Variants in TBC1D1 observed in about 807,000 individuals in gnomAD.
TBC1D1 encodes the protein TBC1 (tre-2/USP6, BUB2, cdc16) domain family, member 1.
In TBC1D1, 89 loss-of-function variants were observed where a neutral mutation model predicts 125.6. The observed-to-expected ratio is 0.71, with a 90% CI of 0.60 to 0.85. The LOEUF is 0.85. Among genes scored for constraint, TBC1D1 ranks in the 40% least tolerant of loss-of-function variants. TBC1D1 has a pLI of 0.00. For missense variants in TBC1D1, 1,377 were observed against 1,469.2 expected (o/e 0.94, Z 1.03); for synonymous variants, 565 against 564.1 (o/e 1.00, Z -0.02).
chr4:38,079,749 A>G (rs1284357493), intron 12 of TBC1D1, among the ~76,000 whole-genome samples: 1 of 152,162 alleles, frequency 6.6e-6, no homozygotes, highest in Non-Finnish European at 1.5e-5. Context: ...AGCAAGTTAT[A>G]TTACATTTTA....
chr4:38,093,680 C>T (rs1560775900), intron 13 of TBC1D1, among the ~76,000 whole-genome samples: 1 of 149,046 alleles, frequency 6.7e-6, no homozygotes, highest in African/African-American at 2.4e-5. Context: ...CCACCACACC[C>T]GGCTAATTTT....
chr4:38,085,698 G>A (rs1332088621), intron 12 of TBC1D1, among the ~76,000 whole-genome samples: 3 of 152,220 alleles, frequency 2.0e-5, no homozygotes, highest in African/African-American at 7.2e-5. Flanking sequence ...GGATCCCTGG[G>A]ATTGTTCTAG....
chr4:38,059,757 A>G (rs1012652260), intron 12 of TBC1D1, among the ~76,000 whole-genome samples: 1 of 152,182 alleles, frequency 6.6e-6, no homozygotes, highest in African/African-American at 2.4e-5. Context: ...GTACATGTGC[A>G]GGATGTGCAG....
At chr4:37,989,971 G>A (rs1221120388) in intron 2 of TBC1D1, among the ~76,000 whole-genome samples, 1 of 152,172 alleles carries the variant, frequency 6.6e-6, no homozygotes, top group African/African-American at 2.4e-5. Context: ...TTTAAAAATA[G>A]GAAGGAAGTT....
chr4:37,995,673 C>A lies in TBC1D1; in HGVS notation c.418-18836C>A. ...CCTGGTAATCCATTACATGGGTCTC[C>A]TTGGAGGCCTTGGCCACAGCATCCC... On this transcript the variant is annotated intron_variant, in intron 2 of 19. Coordinates refer to ENST00000261439, the MANE Select transcript of TBC1D1 (RefSeq NM_015173.4). This position sits in a 1 kb window ranked among gnomAD's most constrained non-coding sequence, Gnocchi z 4.3. 1.9e-6 allele frequency: 1 copy of A among 519,898 alleles called. No homozygotes were observed. Among genetic ancestry groups the A allele is most frequent in the Non-Finnish European group, 3.8e-6 (1 of 259,878 alleles). The allele number at this position is 519,898 out of a possible 1,614,324, so 32.2% of individuals were successfully genotyped here.
At chr4:38,029,860 T>C (rs1340454363) in intron 7 of TBC1D1, among the ~76,000 whole-genome samples, 1 of 152,252 alleles carries the variant, frequency 6.6e-6, no homozygotes, top group Non-Finnish European at 1.5e-5. Context: ...ACTTGAGACA[T>C]GCTACTTTGT....
At chr4:38,059,402 C>A (rs1156876878) in intron 12 of TBC1D1, among the ~76,000 whole-genome samples, 1 of 152,116 alleles carries the variant, frequency 6.6e-6, no homozygotes, top group Non-Finnish European at 1.5e-5. Context: ...AGGAAATCAG[C>A]GATTTTTACT....
chr4:38,046,782 A>G (rs1282392963), intron 10 of TBC1D1, among the ~76,000 whole-genome samples: 5 of 152,360 alleles, frequency 3.3e-5, no homozygotes, highest in Middle Eastern at 3.4e-3. Flanking sequence ...ACATTTAATC[A>G]TATTTAAGCC....
At chr4:38,115,258 G>T (rs1457246923) in intron 15 of TBC1D1, among the ~76,000 whole-genome samples, 2 of 151,790 alleles carry the variant, frequency 1.3e-5, no homozygotes, top group Admixed American at 6.6e-5. Flanking sequence ...CTGCCACCAC[G>T]CCTGACTAAT....
At chr4:38,003,674 C>T (rs1261230403) in intron 2 of TBC1D1, among the ~76,000 whole-genome samples, 1 of 151,990 alleles carries the variant, frequency 6.6e-6, no homozygotes, top group Non-Finnish European at 1.5e-5. Context: ...TTAAGACCAG[C>T]TTGGGCAATA....
At chr4:37,963,606 G>A (rs187460586) in intron 2 of TBC1D1, among the ~76,000 whole-genome samples, 8 of 152,290 alleles carry the variant, frequency 5.3e-5, no homozygotes, top group Admixed American at 1.3e-4. Context: ...GCGGTGAGCC[G>A]AGATCACGCC....
Position 38,027,872 on chromosome 4 carries a change from A to G in TBC1D1, c.1295A>G (p.Glu432Gly), listed in dbSNP as rs1415439005. 4.3e-6 allele frequency: 7 copies of G among 1,611,242 alleles called. No homozygotes were observed. The highest frequency in any genetic ancestry group is 5.9e-6 in the Non-Finnish European group (7 of 1,178,038). Residue 432 changes from glutamate (E) to glycine (G), a missense_variant, in exon 7 of 20, where the codon GAG becomes GGG. By Grantham distance (98) the Glu-to-Gly change is moderately conservative (BLOSUM62 -2). Transcript: ENST00000261439. ...CAGGAGCAGGCGACTATTTTTGAAG[A>G]GGTTCAGGTACAGTACAGTTGCTAA...
At chr4:37,939,452 C>G (rs1034641824) in intron 2 of TBC1D1, among the ~76,000 whole-genome samples, 3 of 151,772 alleles carry the variant, frequency 2.0e-5, no homozygotes, top group Non-Finnish European at 4.4e-5. Context: ...ATTGCAAAAA[C>G]TTTCTCCCAT....
intron 2 of TBC1D1, among the ~76,000 whole-genome samples, chr4:37,923,827 G>A (rs1211144211): frequency 6.6e-6 from 1 of 151,846 alleles, no homozygotes; most frequent in Non-Finnish European, 1.5e-5. Context: ...CTACAGGTGT[G>A]CACCACTATG....
At chr4:37,991,529 A>C (rs1319629306) in intron 2 of TBC1D1, among the ~76,000 whole-genome samples, 1 of 152,094 alleles carries the variant, frequency 6.6e-6, no homozygotes, top group Non-Finnish European at 1.5e-5. Context: ...ACAGTCACTT[A>C]GCACCTGCTG....
Position 38,115,938 on chromosome 4 carries a change from A to T in TBC1D1, c.2786A>T (p.Asp929Val). 6.2e-7 allele frequency: 1 copy of T among 1,614,166 alleles called. No homozygotes were observed. The highest frequency in any genetic ancestry group is 8.5e-7 in the Non-Finnish European group (1 of 1,180,020). The change falls in exon 16 of 20, where the codon GAC (aspartate) becomes GTC (valine). Residue 929 changes from aspartate (D) to valine (V), a missense_variant. Physicochemically the swap from Asp to Val is radical, Grantham distance 152 (BLOSUM62 -3). This residue lies in a region of TBC1D1 where 543 missense variants were observed against 613.5 expected (regional missense o/e 0.89). Coordinates refer to ENST00000261439, the MANE Select transcript of TBC1D1 (RefSeq NM_015173.4). ...GGGCTGCGGAAACAGTATCGGCCAG[A>T]CATGATTATTTTACAGGTATAGAGT...
At position 37,977,389 on chromosome 4, in the gene TBC1D1, A is replaced by T; in HGVS notation, c.418-37120A>T. ...GCCGCCGCCGCCGCCGGGGAGAGCGATGCCCCGGCCCCGCCGCTCCCCAAG... is the reference window on the plus strand; with the variant it reads ...GCCGCCGCCGCCGCCGGGGAGAGCGTTGCCCCGGCCCCGCCGCTCCCCAAG... On this transcript the variant is annotated intron_variant, in intron 2 of 19. Coordinates refer to ENST00000261439, the MANE Select transcript of TBC1D1 (RefSeq NM_015173.4). This position sits in a 1 kb window ranked among gnomAD's most constrained non-coding sequence, Gnocchi z 4.3. 1 of 481,846 alleles carries T rather than the reference A, an allele frequency of 2.1e-6. No homozygotes were observed. The highest frequency in any genetic ancestry group is 8.2e-5 in the South Asian group (1 of 12,252). 29.8% of individuals were successfully genotyped at this position (481,846 alleles called of 1,614,324 possible). A position where few individuals can be genotyped will look rare whatever the true frequency, so the allele number is the denominator to read the frequency against.
intron 15 of TBC1D1, chr4:38,111,799 CT>C: frequency 3.2e-6 from 1 of 308,766 alleles, no homozygotes. Context: ...AAAACAGTGT[CT>C]CCCCCAATAG....
chr4:38,035,449 G>C (rs982022659), intron 7 of TBC1D1, 139 bp from the exon 8 acceptor site: 2 of 639,592 alleles, frequency 3.1e-6, no homozygotes, highest in African/African-American at 3.7e-5. Context: ...TCTACTTTTA[G>C]GATCATTGGT....
Sources: allele counts gnomAD v4.1 joint callset (sites outside exome capture counted in the v4.1 genomes callset), GRCh38; gene constraint gnomAD v4.1.1; regional missense constraint gnomAD v4.1.1; non-coding constraint Gnocchi (gnomAD v3.1); transcripts MANE v1.5; gene names NCBI Gene and HGNC (gene_info 2026-07-23, HGNC 2026-07-21).